The following AFF3 variants were observed in gnomAD, a reference collection of about 807,000 sequenced individuals.
AFF3 encodes the protein AF4/FMR2 family member 3.
In AFF3, 32 loss-of-function variants were observed where a neutral mutation model predicts 129.7. The observed-to-expected ratio is 0.25, with a 90% CI of 0.19 to 0.33. The LOEUF (loss-of-function observed/expected upper bound fraction) is 0.33, where lower values mean the gene tolerates loss of function less well. AFF3 is among the 10% of genes least tolerant of loss of function. The pLI is 1.00. For missense variants in AFF3, 1,373 were observed against 1,592.0 expected (o/e 0.86, Z 2.34); for synonymous variants, 644 against 635.4 (o/e 1.01, Z -0.20).
At chr2:100,105,179 C>G in intron 3 of AFF3, 1 of 448,448 alleles carries the variant, frequency 2.2e-6, no homozygotes. Flanking sequence ...CCCGGCCTTG[C>G]CCGGGCTGCA....
At chr2:99,903,121 T>C (rs1411223409) in intron 7 of AFF3, among the ~76,000 whole-genome samples, 1 of 152,152 alleles carries the variant, frequency 6.6e-6, no homozygotes, top group Non-Finnish European at 1.5e-5. Context: ...TATGTAATTG[T>C]ACCATTACAC....
intron 7 of AFF3, among the ~76,000 whole-genome samples, chr2:99,915,489 G>A (rs1382431250): frequency 1.3e-5 from 2 of 152,148 alleles, no homozygotes; most frequent in African/African-American, 2.4e-5. Flanking sequence ...CTGAGAATGG[G>A]AGTAAAAAGC....
chr2:100,036,126 T>C (rs1403106887), intron 4 of AFF3, among the ~76,000 whole-genome samples: 1 of 23,152 alleles, frequency 4.3e-5, no homozygotes, highest in Non-Finnish European at 8.5e-5. Context: ...TTCTGAAAAA[T>C]ACAGTGCTAA....
At chr2:100,034,812 C>T (rs1684780925) in intron 4 of AFF3, among the ~76,000 whole-genome samples, 2 of 152,202 alleles carry the variant, frequency 1.3e-5, no homozygotes, top group Non-Finnish European at 2.9e-5. Context: ...CCGGTTCCAT[C>T]AAGGTCACTC....
intron 7 of AFF3, among the ~76,000 whole-genome samples, chr2:99,907,030 T>C (rs1050804546): frequency 1.3e-5 from 2 of 152,184 alleles, no homozygotes; most frequent in Non-Finnish European, 2.9e-5. Context: ...CAAGTCTATA[T>C]GTGTACTACA....
At chr2:99,646,337 C>T (rs552107999) in intron 13 of AFF3, among the ~76,000 whole-genome samples, 96 of 152,250 alleles carry the variant, frequency 6.3e-4, no homozygotes, top group African/African-American at 2.3e-3. Flanking sequence ...CCATGAGGAA[C>T]CAGTGTGCAT....
rs535130478 is a variant in AFF3, at chr2:99,850,125, ATCTG to A, written c.874-12605_874-12602del. ...TGTGGGATGGGGCTTTATGCTTGTA[ATCTG>A]TCTGTTAAATAAGCATGCTATCTGA... is the stretch of plus-strand genomic sequence containing the variant. On this transcript the variant is annotated intron_variant, in intron 7 of 24. Coordinates refer to ENST00000672756, the MANE Select transcript of AFF3 (RefSeq NM_001386135.1). Among the ~76,000 whole-genome samples, 676 of 152,312 alleles carry A rather than the reference ATCTG, an allele frequency of 4.4e-3. 3 individuals carry two copies. Among genetic ancestry groups the A allele is most frequent in the African/African-American group, 0.015 (643 of 41,568 alleles).
chr2:99,637,561 A>G (rs1041528305), intron 13 of AFF3, among the ~76,000 whole-genome samples: 1 of 152,238 alleles, frequency 6.6e-6, no homozygotes, highest in Admixed American at 6.5e-5. Context: ...GTACCTTCAC[A>G]TGGCATCAGT....
At chr2:100,034,293 G>C (rs1412891517) in intron 4 of AFF3, among the ~76,000 whole-genome samples, 1 of 151,980 alleles carries the variant, frequency 6.6e-6, no homozygotes, top group Non-Finnish European at 1.5e-5. Flanking sequence ...GAATCATATA[G>C]GATGAAATAG....
intron 4 of AFF3, among the ~76,000 whole-genome samples, chr2:100,060,393 C>T (rs1256177926): frequency 1.3e-5 from 2 of 152,144 alleles, no homozygotes; most frequent in Non-Finnish European, 2.9e-5. Context: ...GGGCTTCAAA[C>T]CCAGTCATTT....
intron 8 of AFF3, among the ~76,000 whole-genome samples, chr2:99,821,568 C>G (rs542651967): frequency 6.6e-6 from 1 of 152,324 alleles, no homozygotes; most frequent in South Asian, 2.1e-4. Context: ...GCATTCAAAG[C>G]CGTCCTGGGC....
intron 7 of AFF3, among the ~76,000 whole-genome samples, chr2:99,970,819 G>T (rs1332592117): frequency 6.6e-6 from 1 of 152,184 alleles, no homozygotes. Flanking sequence ...AAGACATGGG[G>T]GAGGCGTGTC....
chr2:99,849,778 T>C (rs965224223), intron 7 of AFF3, among the ~76,000 whole-genome samples: 2 of 152,204 alleles, frequency 1.3e-5, no homozygotes, highest in Non-Finnish European at 1.5e-5. Flanking sequence ...AAATATAATG[T>C]GTTTAGATTT....
intron 8 of AFF3, among the ~76,000 whole-genome samples, chr2:99,758,965 C>T (rs945762911): frequency 6.6e-6 from 1 of 152,174 alleles, no homozygotes; most frequent in East Asian, 1.9e-4. Flanking sequence ...TATTGCTCTA[C>T]AAATACTCTA....
chr2:99,673,892 G>A (rs1687388635), intron 11 of AFF3, among the ~76,000 whole-genome samples: 1 of 152,154 alleles, frequency 6.6e-6, no homozygotes, highest in African/African-American at 2.4e-5. Flanking sequence ...CACGCACCCT[G>A]ACCCCATTTC....
chr2:99,843,541 T>A (rs966251545), intron 7 of AFF3, among the ~76,000 whole-genome samples: 1 of 152,198 alleles, frequency 6.6e-6, no homozygotes, highest in Non-Finnish European at 1.5e-5. Context: ...ATTTAATCCA[T>A]CCCTATTTTT....
chr2:99,842,490 T>C (rs1401787095), intron 7 of AFF3, among the ~76,000 whole-genome samples: 1 of 152,208 alleles, frequency 6.6e-6, no homozygotes, highest in Non-Finnish European at 1.5e-5. Flanking sequence ...GTTGCTGAGC[T>C]GTTGCTCCGT....
At chr2:99,765,693 A>G (rs1228652521) in intron 8 of AFF3, among the ~76,000 whole-genome samples, 3 of 152,218 alleles carry the variant, frequency 2.0e-5, no homozygotes, top group African/African-American at 4.8e-5. Flanking sequence ...TAGTGTTGAC[A>G]GCTTCTGGAT....
intron 11 of AFF3, among the ~76,000 whole-genome samples, chr2:99,672,824 G>A (rs1232792120): frequency 1.3e-5 from 2 of 152,090 alleles, no homozygotes; most frequent in Admixed American, 1.3e-4. Context: ...AGCTAAGACG[G>A]GCAGCTTTCA....
Sources: gnomAD v4.1 joint callset for allele counts (sites outside exome capture counted in the v4.1 genomes callset) on GRCh38, gnomAD v4.1.1 for gene constraint, MANE v1.5 for transcripts, NCBI Gene and HGNC (gene_info 2026-07-23, HGNC 2026-07-21) for gene names.